Variants in TERB1 observed in about 807,000 individuals in gnomAD.
TERB1 encodes telomere repeats-binding bouquet formation protein 1.
In TERB1, 63 loss-of-function variants were observed where a neutral mutation model predicts 92.3. The observed-to-expected ratio is 0.68, with a 90% CI of 0.56 to 0.84. TERB1 has a LOEUF of 0.84. Ranked by LOEUF, TERB1 falls within the 40% of genes least tolerant of loss-of-function variation. The probability of loss-of-function intolerance (pLI) is 0.00; values close to 1 mark genes in which losing one functional copy is unlikely to be tolerated. For synonymous variants in TERB1, 252 were observed against 283.9 expected (o/e 0.89, Z 1.13); for missense variants, 709 against 843.7 (o/e 0.84, Z 1.98).
intron 7 of TERB1, 44 bp downstream of exon 7, chr16:66,786,181 C>G: frequency 6.5e-7 from 1 of 1,529,234 alleles, no homozygotes. Context: ...TGTTAAGGTC[C>G]TAAGTAATGA....
chr16:66,791,027 A>T lies in TERB1; in HGVS notation c.32-8T>A. Reference sequence around the variant, plus strand: ...TCAGGTCAGTCTTCATTTCTAAAGAACAAAAATGTCATTATTTTAAACCAA... The same window carrying T: ...TCAGGTCAGTCTTCATTTCTAAAGATCAAAAATGTCATTATTTTAAACCAA... On this transcript the variant is annotated splice_region_variant and splice_polypyrimidine_tract_variant and intron_variant, in intron 3 of 18. Coordinates refer to ENST00000433154, the MANE Select transcript of TERB1 (RefSeq NM_001136505.2). 7.0e-7 allele frequency: 1 copy of T among 1,435,872 alleles called. No homozygotes were observed. The highest frequency in any genetic ancestry group is 9.4e-7 in the Non-Finnish European group (1 of 1,059,350). The allele number at this position is 1,435,872 out of a possible 1,614,324, so 88.9% of individuals were successfully genotyped here. A position where few individuals can be genotyped will look rare whatever the true frequency, so the allele number is the denominator to read the frequency against.
chr16:66,794,909 CAAAAAAA>C (rs58303083), intron 3 of TERB1, among the ~76,000 whole-genome samples: 1,934 of 132,408 alleles, frequency 0.015, 19 homozygotes, highest in Non-Finnish European at 0.024. Flanking sequence ...GACTCCGTCT[CAAAAAAA>C]AAAAAAACAC....
chr16:66,768,207 T>C, intron 14 of TERB1, 39 bp from the exon 15 acceptor site: 2 of 1,436,794 alleles, frequency 1.4e-6, no homozygotes, highest in African/African-American at 1.4e-5. Context: ...AAAGTAAACA[T>C]ACTGTTTGGT....
At chr16:66,765,886 A>C in intron 16 of TERB1, among the ~76,000 whole-genome samples, 1 of 88,928 alleles carries the variant, frequency 1.1e-5, no homozygotes, top group African/African-American at 4.4e-5. Context: ...TTTTTTTGAG[A>C]CGGAGTCTCG....
chr16:66,786,423 T>C, intron 6 of TERB1, 138 bp from the exon 7 acceptor site: 1 of 617,308 alleles, frequency 1.6e-6, no homozygotes, highest in Non-Finnish European at 2.8e-6. Flanking sequence ...AGAATTACGG[T>C]GGATAAAAAT....
At chr16:66,759,409 A>C in intron 16 of TERB1, 119 bp from the exon 17 acceptor site, 1 of 743,716 alleles carries the variant, frequency 1.3e-6, no homozygotes, top group Non-Finnish European at 2.1e-6. Flanking sequence ...TAAACACCTC[A>C]AGAAGCTCAA....
intron 8 of TERB1, 43 bp from the exon 9 acceptor site, chr16:66,785,951 G>A (rs2018722408): frequency 6.6e-7 from 1 of 1,526,132 alleles, no homozygotes; most frequent in African/African-American, 1.4e-5. Flanking sequence ...ATGACAATTG[G>A]AAAATATCAG....
intron 13 of TERB1, among the ~76,000 whole-genome samples, chr16:66,771,130 C>A (rs542347406): frequency 6.6e-6 from 1 of 151,858 alleles, no homozygotes; most frequent in Non-Finnish European, 1.5e-5. Flanking sequence ...AAAAGATCAA[C>A]GATAGCATGG....
At chr16:66,789,967 T>A (rs2018801407) in intron 5 of TERB1, among the ~76,000 whole-genome samples, 1 of 152,074 alleles carries the variant, frequency 6.6e-6, no homozygotes, top group South Asian at 2.1e-4. Context: ...TGCCTCAGCC[T>A]CCCAAAGTGC....
rs748761907 is a variant in TERB1 at position 66,790,947 on chromosome 16, TC to T, written c.103del (p.Glu35LysfsTer26). On this transcript the variant is annotated frameshift_variant, in exon 4 of 19. Coordinates refer to ENST00000433154, the MANE Select transcript of TERB1 (RefSeq NM_001136505.2). LOFTEE classifies it high-confidence loss of function. ...AATTGAATGAATAGTGACCAAAGCT[TC>T]CTTTTGTGAAAAAGCATTGTCCATT... ...YQMDNAFSQK[E>X]ALVTIHSICQ... The T allele has an allele frequency of 6.5e-7, 1 of 1,549,562 alleles. No individual in the cohort carries two copies. Among genetic ancestry groups the T allele is most frequent in the South Asian group, 1.2e-5 (1 of 83,730 alleles).
At chr16:66,775,789 C>A (rs1304766284) in intron 11 of TERB1, among the ~76,000 whole-genome samples, 2 of 148,176 alleles carry the variant, frequency 1.3e-5, no homozygotes, top group African/African-American at 5.0e-5. Flanking sequence ...TGGCTCACTG[C>A]AGTCTCCGCC....
intron 13 of TERB1, among the ~76,000 whole-genome samples, chr16:66,771,083 A>G (rs2018442403): frequency 6.6e-6 from 1 of 152,196 alleles, no homozygotes; most frequent in Non-Finnish European, 1.5e-5. Context: ...ACTTTTAAAA[A>G]TAACATTTAT....
At chr16:66,759,965 T>G (rs2018205093) in intron 16 of TERB1, among the ~76,000 whole-genome samples, 1 of 143,180 alleles carries the variant, frequency 7.0e-6, no homozygotes. Context: ...AAACCCCATC[T>G]CTACTAAAAA....
chr16:66,779,459 G>A (rs2018601108), intron 9 of TERB1, among the ~76,000 whole-genome samples: 1 of 152,070 alleles, frequency 6.6e-6, no homozygotes, highest in South Asian at 2.1e-4. Flanking sequence ...TAAGCTGGGT[G>A]TGGTGGTGCA....
At chr16:66,776,358 A>C (rs2018549492) in intron 11 of TERB1, among the ~76,000 whole-genome samples, 1 of 152,026 alleles carries the variant, frequency 6.6e-6, no homozygotes, top group African/African-American at 2.4e-5. Flanking sequence ...AGAAAAAGAA[A>C]ATAATTCACT....
At chr16:66,773,036 T>G (rs1340545003) in intron 12 of TERB1, among the ~76,000 whole-genome samples, 2 of 151,992 alleles carry the variant, frequency 1.3e-5, no homozygotes, top group African/African-American at 4.8e-5. Context: ...TTTAAAGTAG[T>G]TAGTTTTTTA....
chr16:66,785,848 C>A lies in TERB1; in HGVS notation c.638G>T (p.Cys213Phe), dbSNP rs77993759. Residue 213 changes from cysteine to phenylalanine, a missense_variant, in exon 9 of 19, where the codon TGC becomes TTC. Physicochemically the swap from Cys to Phe is radical, Grantham distance 205. Transcript: ENST00000433154. The stretch of plus-strand genomic sequence containing the variant: ...AGGGCGAATTATCTCAGGTGTCGTG[C>A]AATTTTTTAGCCATTCATTAGCATG... ...FPHANEWLKN[C>F]TTPEIIRPIC... 9.2e-5 allele frequency: 142 copies of A among 1,549,314 alleles called. No homozygotes were observed. The East Asian group carries it at 3.4e-3, about 37-fold the overall frequency.
chr16:66,754,911 T>C lies in TERB1; in HGVS notation c.*65A>G. 1 of 1,379,446 alleles carries C rather than the reference T, an allele frequency of 7.2e-7. No individual in the cohort carries two copies. The highest frequency in any genetic ancestry group is 9.9e-7 in the Non-Finnish European group (1 of 1,015,028). The allele number at this position is 1,379,446 out of a possible 1,614,324, so 85.5% of individuals were successfully genotyped here. ...CTCATGAGAGTTTAGAAAAATACTT[T>C]AAATGTATCTTTCAAGGCACTGTAT... On this transcript the variant is annotated 3_prime_UTR_variant, in exon 19 of 19. Coordinates refer to ENST00000433154, the MANE Select transcript of TERB1 (RefSeq NM_001136505.2).
At chr16:66,776,487 C>T (rs1407394319) in intron 11 of TERB1, among the ~76,000 whole-genome samples, 1 of 151,856 alleles carries the variant, frequency 6.6e-6, no homozygotes, top group Non-Finnish European at 1.5e-5. Flanking sequence ...TCCTAAATTA[C>T]ACAGAGGTTA....
Sources: gnomAD v4.1 joint callset for allele counts (sites outside exome capture counted in the v4.1 genomes callset) on GRCh38, gnomAD v4.1.1 for gene constraint, MANE v1.5 for transcripts, NCBI Gene and HGNC (gene_info 2026-07-23, HGNC 2026-07-21) for gene names.